The following HDAC9 variants were observed in gnomAD, a reference collection of about 807,000 sequenced individuals.
HDAC9 encodes MEF-2 interacting transcription repressor (MITR) protein.
A neutral mutation model predicts 139.4 loss-of-function variants in HDAC9; 41 were observed. That is an observed-to-expected ratio of 0.29 (90% confidence interval 0.23 to 0.38). HDAC9 has a LOEUF of 0.38. HDAC9 is among the 10% of genes least tolerant of loss of function. The pLI is 1.00. For synonymous variants in HDAC9, 517 were observed against 476.2 expected (o/e 1.09, Z -1.12); for missense variants, 1,147 against 1,297.0 (o/e 0.88, Z 1.78).
intron 13 of HDAC9, among the ~76,000 whole-genome samples, chr7:18,741,934 T>G (rs1787499752): frequency 6.6e-6 from 1 of 152,186 alleles, no homozygotes; most frequent in African/African-American, 2.4e-5. Context: ...CCTCAATATA[T>G]CACTGAATTG....
chr7:18,848,827 T>C (rs1797081282), intron 21 of HDAC9, among the ~76,000 whole-genome samples: 1 of 152,132 alleles, frequency 6.6e-6, no homozygotes, highest in South Asian at 2.1e-4. Context: ...TTAATAAGTG[T>C]TTCTCAACAA....
At chr7:18,827,750 G>T (rs1178410153) in intron 17 of HDAC9, among the ~76,000 whole-genome samples, 1 of 152,042 alleles carries the variant, frequency 6.6e-6, no homozygotes, top group Admixed American at 6.5e-5. Flanking sequence ...TTATATTCTT[G>T]TATTATATAT....
At chr7:18,873,002 T>A (rs1337356429) in intron 21 of HDAC9, among the ~76,000 whole-genome samples, 1 of 152,128 alleles carries the variant, frequency 6.6e-6, no homozygotes, top group Non-Finnish European at 1.5e-5. Context: ...GATAAAGCAC[T>A]CCTAATTCTT....
chr7:18,970,910 G>A lies in HDAC9; in HGVS notation c.3023-4896G>A, dbSNP rs574753705. Among the ~76,000 whole-genome samples the A allele has an allele frequency of 4.6e-5, 7 of 152,266 alleles. No homozygotes were observed. In the East Asian group the frequency reaches 1.4e-3, roughly 29 times the overall value. ...TCAGGAAGTTTTCAAAGTAGCAAAG[G>A]GGTTTGAATTGAGAAAACTTTTGGT... On this transcript the variant is annotated intron_variant, in intron 24 of 25. Coordinates refer to ENST00000686413, the MANE Select transcript of HDAC9 (RefSeq NM_178425.4).
At chr7:18,913,931 C>G (rs1475471332) in intron 22 of HDAC9, among the ~76,000 whole-genome samples, 2 of 151,712 alleles carry the variant, frequency 1.3e-5, no homozygotes, top group Non-Finnish European at 2.9e-5. Flanking sequence ...AAAACAAAAC[C>G]AAGGAAAATA....
intron 2 of HDAC9, among the ~76,000 whole-genome samples, chr7:18,254,980 T>A (rs1276607270): frequency 6.6e-6 from 1 of 152,210 alleles, no homozygotes; most frequent in Non-Finnish European, 1.5e-5. Flanking sequence ...ATGCTTTTTA[T>A]ATACACACAT....
In HDAC9 at chr7:18,634,678, A is replaced by G. The variant is rs1168865836; in HGVS notation, c.848A>G (p.Asn283Ser). 2.5e-6 allele frequency: 4 copies of G among 1,598,242 alleles called. No individual in the cohort carries two copies. Among genetic ancestry groups the G allele is most frequent in the Non-Finnish European group, 2.6e-6 (3 of 1,171,586 alleles). Reference sequence around the variant, plus strand: ...GGCTCTGGTCCCAGTTCACCAAACAATGGGCCAACTGGAAGTGTTACTGAA... The same window carrying G: ...GGCTCTGGTCCCAGTTCACCAAACAGTGGGCCAACTGGAAGTGTTACTGAA... ...SPGSGPSSPN[N>S]GPTGSVTENE... Residue 283 changes from asparagine to serine, a missense_variant, in exon 8 of 26, where the codon AAT becomes AGT. Physicochemically the swap from Asn to Ser is conservative, Grantham distance 46. Around this residue, in one of 7 missense-constraint regions of HDAC9, gnomAD observed 264 missense variants for 273.8 expected, o/e 0.96. Coordinates refer to ENST00000686413, the MANE Select transcript of HDAC9 (RefSeq NM_178425.4).
At chr7:18,239,672 C>T (rs1015922264) in intron 2 of HDAC9, among the ~76,000 whole-genome samples, 17 of 152,044 alleles carry the variant, frequency 1.1e-4, no homozygotes, top group Admixed American at 3.3e-4. Flanking sequence ...AAGAGAAATA[C>T]GTGATAAATT....
chr7:18,155,142 A>G (rs34786425), intron 1 of HDAC9, among the ~76,000 whole-genome samples: 2 of 147,960 alleles, frequency 1.4e-5, no homozygotes. Context: ...AGAAGCCTGT[A>G]TATCCTGCAG....
chr7:18,743,634 A>G (rs1393512568), intron 13 of HDAC9, among the ~76,000 whole-genome samples: 1 of 152,036 alleles, frequency 6.6e-6, no homozygotes, highest in Non-Finnish European at 1.5e-5. Context: ...GCAGATAGTA[A>G]AATATAAACT....
chr7:18,461,339 T>A (rs534721811), intron 1 of HDAC9, among the ~76,000 whole-genome samples: 1 of 152,308 alleles, frequency 6.6e-6, no homozygotes, highest in Non-Finnish European at 1.5e-5. Flanking sequence ...GGGATTAAGT[T>A]TCAGTTAAAA....
upstream of HDAC9, chr7:18,495,716 G>A: frequency 1.0e-6 from 1 of 986,778 alleles, no homozygotes; most frequent in Non-Finnish European, 1.2e-6. Flanking sequence ...ACTCGCTTTA[G>A]CCAACTTGAG....
chr7:18,274,353 G>A (rs1333961104), intron 2 of HDAC9, among the ~76,000 whole-genome samples: 2 of 152,170 alleles, frequency 1.3e-5, no homozygotes, highest in African/African-American at 4.8e-5. Flanking sequence ...GCAGGCATGT[G>A]CATAGATCAC....
At chr7:18,754,729 C>T (rs1330083238) in intron 14 of HDAC9, among the ~76,000 whole-genome samples, 3 of 152,072 alleles carry the variant, frequency 2.0e-5, no homozygotes, top group African/African-American at 7.2e-5. Context: ...AGGGTCTTCT[C>T]GGCAGTTCCA....
At chr7:18,674,282 T>C (rs1781359599) in intron 12 of HDAC9, among the ~76,000 whole-genome samples, 1 of 152,068 alleles carries the variant, frequency 6.6e-6, no homozygotes, top group South Asian at 2.1e-4. Context: ...TCAATTAACT[T>C]ACTGTAAAAT....
intron 1 of HDAC9, among the ~76,000 whole-genome samples, chr7:18,468,135 A>G (rs1311466552): frequency 6.6e-6 from 1 of 152,154 alleles, no homozygotes; most frequent in Non-Finnish European, 1.5e-5. Context: ...AATGTTTGCT[A>G]GACTTCTTTA....
intron 2 of HDAC9, among the ~76,000 whole-genome samples, chr7:18,281,181 T>G (rs996159288): frequency 5.9e-5 from 9 of 152,212 alleles, no homozygotes; most frequent in African/African-American, 2.2e-4. Context: ...AAGCTTAGTT[T>G]GTGAGTCTGA....
At chr7:18,533,500 A>G (rs757970355) in intron 2 of HDAC9, among the ~76,000 whole-genome samples, 11 of 152,160 alleles carry the variant, frequency 7.2e-5, no homozygotes, top group Non-Finnish European at 1.6e-4. Context: ...ATGACTGGGC[A>G]TAGAACCCTT....
At chr7:18,847,251 C>T (rs575101380) in intron 21 of HDAC9, among the ~76,000 whole-genome samples, 30 of 152,294 alleles carry the variant, frequency 2.0e-4, no homozygotes, top group African/African-American at 6.3e-4. Flanking sequence ...TGAATTTCAC[C>T]GTTACGCACA....
Sources: allele counts gnomAD v4.1 joint callset (sites outside exome capture counted in the v4.1 genomes callset), GRCh38; gene constraint gnomAD v4.1.1; regional missense constraint gnomAD v4.1.1; transcripts MANE v1.5; gene names NCBI Gene and HGNC (gene_info 2026-07-23, HGNC 2026-07-21).